GLDC: variants seen among roughly 807,000 people sequenced by gnomAD.
GLDC encodes the protein glycine decarboxylase.
GLDC carries 104 observed loss-of-function variants against 121.3 expected under a neutral mutation model. That is an observed-to-expected ratio of 0.86 (90% CI 0.73 to 1.01). GLDC has a LOEUF of 1.01. Ranked by LOEUF, GLDC falls within the 50% of genes least tolerant of loss-of-function variation. The pLI, the probability that GLDC is intolerant of heterozygous loss-of-function variation, is 0.00. For missense variants in GLDC, 1,429 were observed against 1,306.6 expected, an observed-to-expected ratio of 1.09 and a Z score of -1.44; for synonymous variants, 546 against 480.6, an observed-to-expected ratio of 1.14 and a Z score of -1.78.
chr9:6,540,915 G>C (rs1374226748), intron 21 of GLDC: 1 of 152,222 alleles, frequency 6.6e-6, no homozygotes, highest in Non-Finnish European at 1.5e-5. Flanking sequence ...CCAGCACTTT[G>C]GGAGGCTGAG....
At position 6,595,047 on chromosome 9, in the gene GLDC, T is replaced by C; in HGVS notation, c.1228A>G (p.Arg410Gly). The stretch of plus-strand genomic sequence containing the variant: ...AAAATCAAAGTGGCATTATGTACCC[T>C]CCTAGCAATATGCTCCAGCCCATGG... ...GSHGLEHIARRVHNATLILSE... is the reference protein window; with the variant it reads ...GSHGLEHIARGVHNATLILSE... The change falls in exon 9 of 25, where the codon AGG becomes GGG. Residue 410 changes from arginine to glycine, a missense_variant. By Grantham distance (125) the Arg-to-Gly change is moderately radical. Coordinates refer to ENST00000321612, the MANE Select transcript of GLDC (RefSeq NM_000170.3). 1 of 1,611,640 alleles carries C rather than the reference T, an allele frequency of 6.2e-7. No homozygotes were observed. The highest frequency in any genetic ancestry group is 2.2e-5 in the East Asian group (1 of 44,870).
chr9:6,632,628 AAC>A (rs1400382393), intron 2 of GLDC, among the ~76,000 whole-genome samples: 2 of 152,224 alleles, frequency 1.3e-5, no homozygotes, highest in Non-Finnish European at 2.9e-5. Flanking sequence ...TAGAAGTCAC[AAC>A]ACAGATTCGC....
intron 2 of GLDC, among the ~76,000 whole-genome samples, chr9:6,621,862 T>C (rs1003045933): frequency 6.6e-6 from 1 of 152,172 alleles, no homozygotes; most frequent in Non-Finnish European, 1.5e-5. Flanking sequence ...TGGTTCTTTC[T>C]TTACCTCTCT....
chr9:6,626,567 C>A (rs1052949148), intron 2 of GLDC, among the ~76,000 whole-genome samples: 1 of 152,028 alleles, frequency 6.6e-6, no homozygotes, highest in Non-Finnish European at 1.5e-5. Flanking sequence ...TACTAATTGG[C>A]CTTTTAAAAA....
intron 2 of GLDC, among the ~76,000 whole-genome samples, chr9:6,629,947 A>ATG (rs1819330256): frequency 6.2e-5 from 5 of 80,966 alleles, no homozygotes; most frequent in Non-Finnish European, 8.5e-5. Context: ...ATATATATGT[A>ATG]TATATATATA....
At chr9:6,611,311 T>C (rs1184588152) in intron 3 of GLDC, among the ~76,000 whole-genome samples, 2 of 152,194 alleles carry the variant, frequency 1.3e-5, no homozygotes, top group Admixed American at 1.3e-4. Flanking sequence ...TCACCTATTT[T>C]ACTTGGGAGG....
At chr9:6,641,158 T>C (rs1819622454) in intron 2 of GLDC, among the ~76,000 whole-genome samples, 1 of 152,206 alleles carries the variant, frequency 6.6e-6, no homozygotes, top group South Asian at 2.1e-4. Context: ...GAACCACCCG[T>C]CCTCCCCTGG....
intron 10 of GLDC, 150 bp downstream of exon 10, chr9:6,592,701 T>C: frequency 1.4e-6 from 1 of 710,502 alleles, no homozygotes; most frequent in Non-Finnish European, 2.4e-6. Flanking sequence ...GACCACAGTG[T>C]TGCATAATGT....
chr9:6,577,870 A>T (rs577432092), intron 15 of GLDC, among the ~76,000 whole-genome samples: 1 of 151,062 alleles, frequency 6.6e-6, no homozygotes, highest in African/African-American at 2.4e-5. Flanking sequence ...TTTGAGCTTA[A>T]TGTACTTCTT....
intron 2 of GLDC, chr9:6,622,685 C>G (rs1334915038): frequency 6.2e-4 from 127 of 203,430 alleles, no homozygotes; most frequent in Non-Finnish European, 7.5e-4. Flanking sequence ...AGTGAGGAGC[C>G]TCTCTGCCTG....
At chr9:6,580,300 G>T (rs1587941162) in intron 15 of GLDC, among the ~76,000 whole-genome samples, 1 of 152,160 alleles carries the variant, frequency 6.6e-6, no homozygotes, top group Non-Finnish European at 1.5e-5. Context: ...AAAATGTTGA[G>T]TTACCTTATA....
intron 2 of GLDC, among the ~76,000 whole-genome samples, chr9:6,633,922 C>A (rs7853194): frequency 6.9e-6 from 1 of 145,644 alleles, no homozygotes; most frequent in Non-Finnish European, 1.5e-5. Flanking sequence ...CTGTGCCTCC[C>A]GGGTTCACGC....
chr9:6,558,348 T>C, intron 17 of GLDC: 1 of 683,108 alleles, frequency 1.5e-6, no homozygotes, highest in East Asian at 2.5e-5. Flanking sequence ...CCATGAATAA[T>C]TCATTCAGTT....
At position 6,547,642 on chromosome 9, in the gene GLDC, G is replaced by GGCAAAAT. The variant is rs61712155; in HGVS notation, c.2569+3154_2569+3160dup. Among the ~76,000 whole-genome samples, 866 of 152,046 alleles carry GGCAAAAT rather than the reference G, an allele frequency of 5.7e-3. 3 individuals are homozygous for GGCAAAAT. Among genetic ancestry groups the GGCAAAAT allele is most frequent in the African/African-American group, 0.019 (801 of 41,426 alleles). ...TGACTCTCTCCTAAGGAAATTATCA[G>GGCAAAAT]GCAAAATTCTTTAAAATTTCAAGCA... On this transcript the variant is annotated intron_variant, in intron 21 of 24. Coordinates refer to ENST00000321612, the MANE Select transcript of GLDC (RefSeq NM_000170.3).
intron 18 of GLDC, chr9:6,555,028 A>T (rs1817593729): frequency 7.1e-6 from 4 of 567,014 alleles, no homozygotes; most frequent in East Asian, 3.0e-5. Context: ...ATTTAGATTT[A>T]AAAATATGGA....
chr9:6,600,859 G>C (rs1049169972), intron 8 of GLDC, among the ~76,000 whole-genome samples: 2 of 152,114 alleles, frequency 1.3e-5, no homozygotes, highest in African/African-American at 4.8e-5. Context: ...AGCTCTTCCT[G>C]TTTTATCCCA....
chr9:6,585,220 G>A (rs530904549), intron 15 of GLDC: 112 of 152,256 alleles, frequency 7.4e-4, no homozygotes, highest in African/African-American at 2.5e-3. Context: ...CTGGGATCCT[G>A]GCTGGGATCA....
chr9:6,543,031 G>A (rs1010122978), intron 21 of GLDC, among the ~76,000 whole-genome samples: 18 of 151,542 alleles, frequency 1.2e-4, no homozygotes, highest in African/African-American at 3.4e-4. Context: ...TTAATACCAG[G>A]ACTCTTAAAT....
chr9:6,535,977 TGA>T, intron 23 of GLDC, 85 bp downstream of exon 23: 1 of 1,107,134 alleles, frequency 9.0e-7, no homozygotes, highest in Non-Finnish European at 1.4e-6. Context: ...CATCCTCAGT[TGA>T]GAGTTCGGGA....
Sources: gnomAD v4.1 joint callset for allele counts (sites outside exome capture counted in the v4.1 genomes callset) on GRCh38, gnomAD v4.1.1 for gene constraint, MANE v1.5 for transcripts, NCBI Gene and HGNC (gene_info 2026-07-23, HGNC 2026-07-21) for gene names.